ANKS1B: variants seen among roughly 807,000 people sequenced by gnomAD.
The protein encoded by ANKS1B is ankyrin repeat and sterile alpha motif domain containing 1B.
ANKS1B carries 36 observed loss-of-function variants against 148.3 expected under a neutral mutation model. That is an observed-to-expected ratio of 0.24 (90% CI 0.19 to 0.32). The LOEUF (loss-of-function observed/expected upper bound fraction) is 0.32. ANKS1B is among the 10% of genes least tolerant of loss of function. The pLI, the probability that ANKS1B is intolerant of heterozygous loss-of-function variation, is 1.00. For synonymous variants in ANKS1B, 542 were observed against 560.8 expected, an observed-to-expected ratio of 0.97 and a Z score of 0.47; for missense variants, 1,157 against 1,542.6, an observed-to-expected ratio of 0.75 and a Z score of 4.19.
intron 11 of ANKS1B, among the ~76,000 whole-genome samples, chr12:99,432,893 T>A (rs1413180007): frequency 6.6e-6 from 1 of 151,978 alleles, no homozygotes; most frequent in East Asian, 1.9e-4. Flanking sequence ...AGGAGATGGG[T>A]TAAGAGGTTT....
At chr12:99,175,676 A>C (rs2078296168) in intron 14 of ANKS1B, among the ~76,000 whole-genome samples, 1 of 152,150 alleles carries the variant, frequency 6.6e-6, no homozygotes, top group Non-Finnish European at 1.5e-5. Flanking sequence ...TACAGGAAAA[A>C]ATAATGTGTT....
intron 17 of ANKS1B, among the ~76,000 whole-genome samples, chr12:98,924,928 C>T (rs746812407): frequency 3.3e-5 from 5 of 152,140 alleles, no homozygotes; most frequent in Admixed American, 1.3e-4. Flanking sequence ...ACATTATTTG[C>T]TAATGCAAAT....
At chr12:99,001,582 G>C (rs967106141) in intron 17 of ANKS1B, among the ~76,000 whole-genome samples, 2 of 91,672 alleles carry the variant, frequency 2.2e-5, no homozygotes, top group African/African-American at 8.5e-5. Context: ...GATAATTTAA[G>C]TTGTGAAATG....
chr12:99,465,340 G>A (rs1251122615), intron 10 of ANKS1B, among the ~76,000 whole-genome samples: 8 of 152,222 alleles, frequency 5.3e-5, no homozygotes, highest in East Asian at 1.9e-4. Flanking sequence ...GCAAAATCAC[G>A]CCAAATTGTA....
At chr12:99,590,263 CA>C (rs2097688970) in intron 9 of ANKS1B, among the ~76,000 whole-genome samples, 44 of 144,972 alleles carry the variant, frequency 3.0e-4, no homozygotes, top group Non-Finnish European at 5.3e-4. Context: ...CCCACCCACA[CA>C]CACACACACA....
chr12:98,748,908 A>G (rs371124168), intron 26 of ANKS1B, among the ~76,000 whole-genome samples: 1 of 152,204 alleles, frequency 6.6e-6, no homozygotes, highest in Non-Finnish European at 1.5e-5. Flanking sequence ...GAATGAATAC[A>G]ATAGTCTAAG....
intron 9 of ANKS1B, among the ~76,000 whole-genome samples, chr12:99,535,911 G>A (rs1043334202): frequency 6.6e-6 from 1 of 152,168 alleles, no homozygotes; most frequent in Non-Finnish European, 1.5e-5. Flanking sequence ...TTAACATTGT[G>A]TATTTAAATT....
intron 1 of ANKS1B, among the ~76,000 whole-genome samples, chr12:99,882,372 C>G (rs2092568470): frequency 6.6e-6 from 1 of 152,082 alleles, no homozygotes; most frequent in African/African-American, 2.4e-5. Context: ...TAAAAACTGA[C>G]CAAATTTGCC....
Position 99,644,568 on chromosome 12 carries a change from T to A in ANKS1B, c.1272+10499A>T, listed in dbSNP as rs543549224. ...ATCTAAGCTCTTTACATCATGCTCC[T>A]CAAAATTCTTCTAGCTTCTACCCAG... is the stretch of plus-strand genomic sequence containing the variant. On this transcript the variant is annotated intron_variant, in intron 9 of 26. Coordinates refer to ENST00000683438, the MANE Select transcript of ANKS1B (RefSeq NM_001352186.2). 1.6e-3 allele frequency among the ~76,000 whole-genome samples: 247 copies of A among 152,312 alleles called. 4 individuals carry two copies. The highest frequency in any genetic ancestry group is 2.4e-3 in the Admixed American group (37 of 15,300).
chr12:99,731,320 C>T (rs750698327), intron 8 of ANKS1B, among the ~76,000 whole-genome samples: 4 of 151,868 alleles, frequency 2.6e-5, no homozygotes, highest in Admixed American at 6.6e-5. Flanking sequence ...GGTTTCACCA[C>T]GTTGGCCAGG....
At chr12:98,907,255 T>C (rs2099780576) in intron 17 of ANKS1B, among the ~76,000 whole-genome samples, 1 of 152,328 alleles carries the variant, frequency 6.6e-6, no homozygotes. Context: ...ATGGGCTCCA[T>C]GCTTGGTTTA....
At chr12:99,645,787 C>T (rs1265404413) in intron 9 of ANKS1B, among the ~76,000 whole-genome samples, 2 of 152,078 alleles carry the variant, frequency 1.3e-5, no homozygotes, top group Non-Finnish European at 2.9e-5. Flanking sequence ...TTCAGACAAA[C>T]CCCATCAAAT....
intron 9 of ANKS1B, among the ~76,000 whole-genome samples, chr12:99,618,647 C>G (rs918469317): frequency 6.6e-6 from 1 of 151,948 alleles, no homozygotes; most frequent in Admixed American, 6.6e-5. Context: ...TTGGAGCAAC[C>G]CCAACTGAGA....
rs1600097217 is a variant in ANKS1B, at chr12:99,702,349, T to C, written c.1129-47139A>G. On this transcript the variant is annotated intron_variant, in intron 8 of 26. Transcript: ENST00000683438. ...CATTTGTATGTCTTCTTTTGAGAAA[T>C]GTCTATTCAGATCTTTTGCCCATTT... is the stretch of plus-strand genomic sequence containing the variant. Among the ~76,000 whole-genome samples, 3 of 152,302 alleles carry C rather than the reference T, an allele frequency of 2.0e-5. No individual in the cohort carries two copies. In the South Asian group the frequency reaches 6.2e-4, roughly 32 times the overall value.
chr12:99,240,143 A>G (rs2088971701), intron 14 of ANKS1B, among the ~76,000 whole-genome samples: 1 of 152,248 alleles, frequency 6.6e-6, no homozygotes, highest in South Asian at 2.1e-4. Context: ...GCCAAGACCC[A>G]TCAGTGTGCT....
chr12:99,189,686 T>C (rs974656736), intron 14 of ANKS1B, among the ~76,000 whole-genome samples: 2 of 152,156 alleles, frequency 1.3e-5, no homozygotes, highest in Non-Finnish European at 2.9e-5. Context: ...TGACGGAACT[T>C]ATCTCAAAAT....
At chr12:99,655,363 A>G (rs1376682802) in intron 8 of ANKS1B, among the ~76,000 whole-genome samples, 153 bp from the exon 9 acceptor site, 1 of 152,176 alleles carries the variant, frequency 6.6e-6, no homozygotes, top group Non-Finnish European at 1.5e-5. Context: ...TGTGCCTGAG[A>G]TAAAAATATG....
chr12:98,974,968 T>G (rs1397942307), intron 17 of ANKS1B, among the ~76,000 whole-genome samples: 1 of 147,540 alleles, frequency 6.8e-6, no homozygotes, highest in Non-Finnish European at 1.5e-5. Flanking sequence ...CTTCTTTCCT[T>G]TCTTCCTCCC....
intron 8 of ANKS1B, among the ~76,000 whole-genome samples, chr12:99,695,898 T>C (rs1388739915): frequency 6.6e-6 from 1 of 152,028 alleles, no homozygotes; most frequent in Admixed American, 6.6e-5. Flanking sequence ...AAAATAAAAC[T>C]TTTTTAAAAG....
Sources: allele counts gnomAD v4.1 joint callset (sites outside exome capture counted in the v4.1 genomes callset), GRCh38; gene constraint gnomAD v4.1.1; transcripts MANE v1.5; gene names NCBI Gene and HGNC (gene_info 2026-07-23, HGNC 2026-07-21).